The following MAD1L1 variants were observed in gnomAD, a reference collection of about 807,000 sequenced individuals.
MAD1L1 encodes mitotic arrest deficient 1 like 1, also known as mitotic spindle assembly checkpoint protein MAD1.
MAD1L1 carries 95 observed loss-of-function variants against 96.9 expected under a neutral mutation model. The observed-to-expected ratio is 0.98, with a 90% CI of 0.83 to 1.16. The LOEUF is 1.16. Ranked by LOEUF, MAD1L1 falls within the 50% of genes most tolerant of loss-of-function variation. The pLI, the probability that MAD1L1 is intolerant of heterozygous loss-of-function variation, is 0.00. For missense variants in MAD1L1, 1,007 were observed against 954.4 expected, an observed-to-expected ratio of 1.06 and a Z score of -0.73; for synonymous variants, 473 against 396.6, an observed-to-expected ratio of 1.19 and a Z score of -2.29.
Position 1,979,460 on chromosome 7 carries a change from C to A in MAD1L1, c.1505+993G>T, listed in dbSNP as rs550354972. ...CCACATTGGATTCTGGCAGGATACT[C>A]GGGTTGCCCCACAGCCACTTTCAAT... On this transcript the variant is annotated intron_variant, in intron 15 of 18. Transcript: ENST00000265854. 1.5e-4 allele frequency among the ~76,000 whole-genome samples: 23 copies of A among 152,374 alleles called. No homozygotes were observed. The South Asian group carries it at 4.8e-3, about 32-fold the overall frequency.
At chr7:2,140,928 A>T (rs1584413881) in intron 11 of MAD1L1, among the ~76,000 whole-genome samples, 1 of 152,276 alleles carries the variant, frequency 6.6e-6, no homozygotes, top group Non-Finnish European at 1.5e-5. Context: ...AAACTTATTT[A>T]AAAAGCCATG....
intron 18 of MAD1L1, among the ~76,000 whole-genome samples, chr7:1,819,277 G>A (rs964615430): frequency 1.3e-5 from 2 of 152,176 alleles, no homozygotes; most frequent in African/African-American, 2.4e-5. Flanking sequence ...GAGGCTGCCT[G>A]CGCGCAGGCT....
intron 14 of MAD1L1, chr7:1,980,897 G>T (rs1029104740): frequency 2.1e-5 from 8 of 390,150 alleles, no homozygotes; most frequent in African/African-American, 1.7e-4. Context: ...ACAAGCCGTC[G>T]TTTATTCCGC....
At chr7:1,887,704 T>C (rs1478222721) in intron 18 of MAD1L1, among the ~76,000 whole-genome samples, 3 of 149,796 alleles carry the variant, frequency 2.0e-5, no homozygotes, top group Admixed American at 6.7e-5. Context: ...TGTGCATGCA[T>C]AGGCATGTGT....
intron 14 of MAD1L1, among the ~76,000 whole-genome samples, 192 bp downstream of exon 14, chr7:2,001,873 A>G (rs1358111554): frequency 6.6e-6 from 1 of 152,192 alleles, no homozygotes; most frequent in African/African-American, 2.4e-5. Context: ...CCGCCGGCGC[A>G]TGCCACCTGT....
chr7:2,022,452 G>A (rs553430478), intron 12 of MAD1L1, among the ~76,000 whole-genome samples: 17 of 152,150 alleles, frequency 1.1e-4, no homozygotes, highest in East Asian at 1.9e-4. Flanking sequence ...CCAACATGGC[G>A]AAACCCTGTC....
intron 12 of MAD1L1, among the ~76,000 whole-genome samples, chr7:2,043,875 C>T (rs1373040517): frequency 6.6e-6 from 1 of 152,232 alleles, no homozygotes; most frequent in Non-Finnish European, 1.5e-5. Context: ...GAGGGCCGGG[C>T]AAAGCCTGCC....
intron 11 of MAD1L1, among the ~76,000 whole-genome samples, chr7:2,081,364 C>T (rs966482043): frequency 1.1e-4 from 17 of 152,150 alleles, no homozygotes; most frequent in African/African-American, 3.9e-4. Flanking sequence ...CGTAAAGGAA[C>T]GAAAATCACA....
At chr7:2,106,024 C>CCGCCCCTGCCCCACACATGGCCA in intron 11 of MAD1L1, among the ~76,000 whole-genome samples, 1 of 149,578 alleles carries the variant, frequency 6.7e-6, no homozygotes, top group Non-Finnish European at 1.5e-5. Flanking sequence ...ACACATGGCC[C>CCGCCCCTGCCCCACACATGGCCA]CGCCCCTCCA....
chr7:1,914,102 G>T (rs904658530), intron 17 of MAD1L1, among the ~76,000 whole-genome samples: 3 of 152,184 alleles, frequency 2.0e-5, no homozygotes, highest in Non-Finnish European at 2.9e-5. Context: ...CCCCACAATG[G>T]GGGACATACT....
At chr7:1,948,795 C>G (rs540853887) in intron 16 of MAD1L1, among the ~76,000 whole-genome samples, 320 of 152,306 alleles carry the variant, frequency 2.1e-3, no homozygotes, top group Non-Finnish European at 3.8e-3. Context: ...GACCAGATCA[C>G]CCTGGGCTGA....
intron 16 of MAD1L1, among the ~76,000 whole-genome samples, chr7:1,939,579 G>A (rs567902711): frequency 1.3e-5 from 2 of 152,190 alleles, no homozygotes; most frequent in South Asian, 4.1e-4. Context: ...AGCCAGGCCA[G>A]CACCACGCAT....
chr7:1,905,459 G>C (rs1787568663), intron 17 of MAD1L1, among the ~76,000 whole-genome samples: 1 of 150,790 alleles, frequency 6.6e-6, no homozygotes, highest in African/African-American at 2.5e-5. Context: ...CAAGCACGCA[G>C]TGGCCTATGG....
chr7:1,920,297 G>A (rs774479956), intron 17 of MAD1L1, among the ~76,000 whole-genome samples: 103 of 152,348 alleles, frequency 6.8e-4, no homozygotes, highest in Non-Finnish European at 1.3e-3. Flanking sequence ...TCTGTGTTTC[G>A]GCAGAACCCT....
Position 1,915,638 on chromosome 7 carries a change from C to T in MAD1L1, c.1808-17248G>A, listed in dbSNP as rs377265776. ...CGGGTACAAGCAAATGTGTCGCCGGCACAGAAGACAGCCAGGACGAAATGT... is the reference window on the plus strand; with the variant it reads ...CGGGTACAAGCAAATGTGTCGCCGGTACAGAAGACAGCCAGGACGAAATGT... On this transcript the variant is annotated intron_variant, in intron 17 of 18. Transcript: ENST00000265854. Among the ~76,000 whole-genome samples the T allele has an allele frequency of 6.6e-5, 10 of 152,336 alleles. No homozygotes were observed. In the East Asian group the frequency reaches 1.4e-3, roughly 21 times the overall value.
At chr7:2,184,516 A>G (rs1346997749) in intron 10 of MAD1L1, among the ~76,000 whole-genome samples, 2 of 152,222 alleles carry the variant, frequency 1.3e-5, no homozygotes, top group Non-Finnish European at 2.9e-5. Context: ...ATGAAGTTAT[A>G]CACGTACTCA....
intron 14 of MAD1L1, among the ~76,000 whole-genome samples, chr7:1,996,213 G>A (rs191321663): frequency 2.2e-5 from 3 of 137,042 alleles, no homozygotes; most frequent in East Asian, 2.1e-4. Context: ...GTCTACACAC[G>A]GCTCCTGGGC....
intron 12 of MAD1L1, among the ~76,000 whole-genome samples, chr7:2,026,036 G>T (rs1328630130): frequency 3.9e-5 from 6 of 152,076 alleles, no homozygotes; most frequent in African/African-American, 1.4e-4. Context: ...ACTAAGAAAT[G>T]ATTTTTACGC....
At chr7:2,127,477 G>A (rs1251712296) in intron 11 of MAD1L1, among the ~76,000 whole-genome samples, 4 of 152,210 alleles carry the variant, frequency 2.6e-5, no homozygotes, top group Middle Eastern at 3.2e-3. Flanking sequence ...GCTGTGCCAC[G>A]GAGGAGCAGC....
Sources: gnomAD v4.1 joint callset for allele counts (sites outside exome capture counted in the v4.1 genomes callset) on GRCh38, gnomAD v4.1.1 for gene constraint, MANE v1.5 for transcripts, NCBI Gene and HGNC (gene_info 2026-07-23, HGNC 2026-07-21) for gene names.